Variants in CFAP97 observed in about 807,000 individuals in gnomAD.
CFAP97 encodes cilia and flagella associated protein 97, also known as cilia- and flagella-associated protein 97.
A neutral mutation model predicts 43.1 loss-of-function variants in CFAP97; 36 were observed. The observed-to-expected ratio is 0.84, with a 90% CI of 0.64 to 1.10. CFAP97 has a LOEUF of 1.10. Ranked by LOEUF, CFAP97 falls within the 50% of genes least tolerant of loss-of-function variation. The probability of loss-of-function intolerance (pLI) is 0.00; values close to 1 mark genes in which losing one functional copy is unlikely to be tolerated. For missense variants in CFAP97, 657 were observed against 620.3 expected, an observed-to-expected ratio of 1.06 and a Z score of -0.63; for synonymous variants, 228 against 225.7, an observed-to-expected ratio of 1.01 and a Z score of -0.09.
At chr4:185,199,479 G>A (rs1736723363) in intron 1 of CFAP97, among the ~76,000 whole-genome samples, 1 of 152,046 alleles carries the variant, frequency 6.6e-6, no homozygotes, top group Non-Finnish European at 1.5e-5. Flanking sequence ...GACCAGCCTG[G>A]CCAACATGGT....
intron 1 of CFAP97, among the ~76,000 whole-genome samples, chr4:185,197,442 T>C (rs1736605463): frequency 6.6e-6 from 1 of 152,098 alleles, no homozygotes; most frequent in Admixed American, 6.5e-5. Flanking sequence ...TTTTTTTTTT[T>C]TGAGACAGAG....
chr4:185,190,513 T>C lies in CFAP97; in HGVS notation c.684A>G (p.Lys228=), dbSNP rs1324928515. The change falls in exon 2 of 5, where the codon AAA becomes AAG. Residue 228 remains lysine (K), a synonymous_variant. Transcript: ENST00000458385. ...TACTTGAAGGCTGTGTTTCTGTCGA[T>C]TTTATTCCTGATTTATACTTGTGTT... ...SPKHKYKSGI[K]STETQPSSTT... The C allele has an allele frequency of 1.9e-6, 3 of 1,613,808 alleles. No individual in the cohort carries two copies. The highest frequency in any genetic ancestry group is 2.5e-6 in the Non-Finnish European group (3 of 1,179,866).
At chr4:185,185,783 G>GGCGT (rs1735984771) in intron 2 of CFAP97, among the ~76,000 whole-genome samples, 1 of 151,808 alleles carries the variant, frequency 6.6e-6, no homozygotes, top group Non-Finnish European at 1.5e-5. Context: ...GACTACAGTA[G>GGCGT]CACACACCAC....
At chr4:185,178,373 G>C (rs1735645454) in intron 2 of CFAP97, among the ~76,000 whole-genome samples, 1 of 150,532 alleles carries the variant, frequency 6.6e-6, no homozygotes, top group Admixed American at 6.7e-5. Flanking sequence ...TCAGCCTCCT[G>C]AGTAGCTGGG....
intron 1 of CFAP97, among the ~76,000 whole-genome samples, chr4:185,202,553 AC>A (rs1560879014): frequency 4.0e-5 from 6 of 151,754 alleles, no homozygotes; most frequent in Non-Finnish European, 7.4e-5. Context: ...ATCTCAAAAA[AC>A]AAACAAACAA....
intron 3 of CFAP97, among the ~76,000 whole-genome samples, chr4:185,166,933 C>A (rs558221535): frequency 6.6e-6 from 1 of 152,140 alleles, no homozygotes; most frequent in Non-Finnish European, 1.5e-5. Context: ...GCTTTGAATG[C>A]GGCCCAGCGC....
chr4:185,190,036 C>A, intron 2 of CFAP97, 107 bp downstream of exon 2: 2 of 797,504 alleles, frequency 2.5e-6, no homozygotes, highest in Non-Finnish European at 3.7e-6. Context: ...TCAATCATTC[C>A]CAACAATAAA....
intron 2 of CFAP97, among the ~76,000 whole-genome samples, chr4:185,185,761 C>T (rs1735983553): frequency 6.6e-6 from 1 of 151,754 alleles, no homozygotes; most frequent in Non-Finnish European, 1.5e-5. Context: ...CTCAACCTCC[C>T]CCCGCAGCTG....
intron 1 of CFAP97, among the ~76,000 whole-genome samples, chr4:185,200,498 G>A: frequency 6.6e-6 from 1 of 152,198 alleles, no homozygotes; most frequent in East Asian, 1.9e-4. Flanking sequence ...AAATTAGCTA[G>A]GTGTGGTAGC....
intron 2 of CFAP97, among the ~76,000 whole-genome samples, chr4:185,184,852 T>G (rs1440461719): frequency 1.3e-5 from 2 of 152,230 alleles, no homozygotes; most frequent in Admixed American, 6.5e-5. Context: ...TAAGAAGCTT[T>G]TTATTGGCTG....
chr4:185,163,386 G>C (rs182562733), intron 4 of CFAP97, among the ~76,000 whole-genome samples: 1 of 152,046 alleles, frequency 6.6e-6, no homozygotes, highest in African/African-American at 2.4e-5. Flanking sequence ...GTGGCATCGG[G>C]CGGTTTGGTA....
In CFAP97 at chr4:185,164,065, G is replaced by A. The variant is rs200923377; in HGVS notation, c.1435C>T (p.Arg479Trp). 7.4e-5 allele frequency: 120 copies of A among 1,613,840 alleles called. No individual in the cohort carries two copies. Among genetic ancestry groups the A allele is most frequent in the Middle Eastern group, 1.6e-4 (1 of 6,062 alleles). The change falls in exon 4 of 5, where the codon CGG (arginine) becomes TGG (tryptophan). Residue 479 changes from arginine to tryptophan, a missense_variant. Physicochemically the swap from Arg to Trp is moderately radical, Grantham distance 101. Transcript: ENST00000458385. ...TATTGGCCAAGAGTGGATCTGGCCCGTCTTGACAATGGTGATGAGTTGAGA... is the reference window on the plus strand; with the variant it reads ...TATTGGCCAAGAGTGGATCTGGCCCATCTTGACAATGGTGATGAGTTGAGA... ...GYLNSSPLSR[R>W]ARSTLGQYSP...
chr4:185,189,438 G>T (rs1290591360), intron 2 of CFAP97, among the ~76,000 whole-genome samples: 1 of 151,942 alleles, frequency 6.6e-6, no homozygotes, highest in African/African-American at 2.4e-5. Context: ...TATCATCAAC[G>T]GACCTAAAAC....
In CFAP97 at chr4:185,160,824, TATAA is replaced by T. The variant is rs1247301006; in HGVS notation, c.*1970_*1973del. ...GCCATTATGAACAGAAAAGACTATA[TATAA>T]ATATATAATCTTTATATATATATAA... On this transcript the variant is annotated 3_prime_UTR_variant, in exon 5 of 5. Transcript: ENST00000458385. 2 of 148,208 alleles carry T rather than the reference TATAA, an allele frequency of 1.3e-5. No individual in the cohort carries two copies. Among genetic ancestry groups the T allele is most frequent in the East Asian group, 3.9e-4 (2 of 5,142 alleles). 9.2% of individuals were successfully genotyped at this position (148,208 alleles called of 1,614,324 possible). A position where few individuals can be genotyped will look rare whatever the true frequency, so the allele number is the denominator to read the frequency against.
intron 1 of CFAP97, among the ~76,000 whole-genome samples, chr4:185,192,752 T>TGG (rs1314815695): frequency 2.3e-5 from 1 of 43,354 alleles, no homozygotes; most frequent in Non-Finnish European, 5.6e-5. Context: ...TTTTTTTTTT[T>TGG]TTTTTTGAGA....
chr4:185,184,099 T>C (rs1461344177), intron 2 of CFAP97, among the ~76,000 whole-genome samples: 1 of 152,198 alleles, frequency 6.6e-6, no homozygotes, highest in African/African-American at 2.4e-5. Flanking sequence ...GTTTACTCAG[T>C]GTCTTGATAT....
At chr4:185,210,102 C>G (rs1187971239), upstream of CFAP97, 2 of 984,130 alleles carry the variant, frequency 2.0e-6, no homozygotes, top group Admixed American at 1.2e-4. The surrounding 1 kb of genome is among the most constrained non-coding windows in gnomAD (Gnocchi z 4.4). Flanking sequence ...CCGTCCTGTT[C>G]AGGCTCAGCC....
chr4:185,206,715 G>A (rs1737205770), upstream of CFAP97, among the ~76,000 whole-genome samples: 1 of 141,152 alleles, frequency 7.1e-6, no homozygotes, highest in Non-Finnish European at 1.6e-5. Flanking sequence ...GGTTCAGAAA[G>A]ACAGAACCAA....
chr4:185,185,786 C>A (rs1456018757), intron 2 of CFAP97, among the ~76,000 whole-genome samples: 1 of 151,942 alleles, frequency 6.6e-6, no homozygotes, highest in Non-Finnish European at 1.5e-5. Context: ...TACAGTAGCA[C>A]ACACCACCAT....
Sources: allele counts gnomAD v4.1 joint callset (sites outside exome capture counted in the v4.1 genomes callset), GRCh38; gene constraint gnomAD v4.1.1; non-coding constraint Gnocchi (gnomAD v3.1); transcripts MANE v1.5; gene names NCBI Gene and HGNC (gene_info 2026-07-23, HGNC 2026-07-21).